The following PROS1 variants were observed in gnomAD, a reference collection of about 807,000 sequenced individuals.
PROS1 encodes vitamin K-dependent protein S.
PROS1 carries 29 observed loss-of-function variants against 75.9 expected under a neutral mutation model. The observed-to-expected ratio is 0.38, with a 90% CI of 0.28 to 0.52. The LOEUF (loss-of-function observed/expected upper bound fraction) is 0.52, where lower values mean the gene tolerates loss of function less well. PROS1 is among the 20% of genes least tolerant of loss of function. PROS1 has a pLI of 0.83. For synonymous variants in PROS1, 245 were observed against 280.6 expected, an observed-to-expected ratio of 0.87 and a Z score of 1.27; for missense variants, 680 against 810.3, an observed-to-expected ratio of 0.84 and a Z score of 1.95.
intron 3 of PROS1, among the ~76,000 whole-genome samples, chr3:93,917,688 G>A (rs933945182): frequency 4.6e-5 from 7 of 152,286 alleles, no homozygotes; most frequent in Middle Eastern, 3.4e-3. Context: ...GGAGCAGCCG[G>A]CCGGCCCTGC....
chr3:93,898,328 A>T, intron 8 of PROS1, 120 bp downstream of exon 8: 2 of 1,187,320 alleles, frequency 1.7e-6, no homozygotes, highest in Non-Finnish European at 2.5e-6. Context: ...TAACCTGCTT[A>T]AAGCTACAGC....
chr3:93,966,243 T>C (rs2107267760), intron 1 of PROS1, among the ~76,000 whole-genome samples: 2 of 152,300 alleles, frequency 1.3e-5, no homozygotes, highest in East Asian at 3.9e-4. Flanking sequence ...CAATGAGAAA[T>C]TGCCTGAGAT....
At position 93,906,046 on chromosome 3, in the gene PROS1, A is replaced by G. The variant is rs1282740437; in HGVS notation, c.444T>C (p.Gly148=). Residue 148 remains glycine (G), a synonymous_variant, in exon 5 of 15, where the codon GGT becomes GGC. Coordinates refer to ENST00000394236, the MANE Select transcript of PROS1 (RefSeq NM_000313.4). ...CAAATTCACACTTTTCTCCTTGCCA[A>G]CCTGGTTTACAAGTGCAAGTAAAAG... The part of the protein sequence containing the change: ...KASFTCTCKP[G]WQGEKCEFDI... 9 of 1,614,020 alleles carry G rather than the reference A, an allele frequency of 5.6e-6. No homozygotes were observed. In the African/African-American group the frequency reaches 6.7e-5, roughly 12 times the overall value.
chr3:93,940,368 G>A (rs1426445324), intron 1 of PROS1, among the ~76,000 whole-genome samples: 1 of 152,102 alleles, frequency 6.6e-6, no homozygotes, highest in African/African-American at 2.4e-5. Flanking sequence ...AGGTACATCT[G>A]TCACCTTCTT....
intron 3 of PROS1, among the ~76,000 whole-genome samples, chr3:93,915,548 C>G (rs1708832734): frequency 1.3e-5 from 2 of 152,210 alleles, no homozygotes; most frequent in Admixed American, 1.3e-4. Flanking sequence ...TATCCTAGTA[C>G]TTATCTCTTA....
chr3:93,898,680 CT>C, intron 7 of PROS1, 111 bp from the exon 8 acceptor site: 2 of 1,291,878 alleles, frequency 1.5e-6, no homozygotes, highest in Non-Finnish European at 2.2e-6. Flanking sequence ...ATAATCGAAC[CT>C]TAGGGAAAGA....
At chr3:93,928,781 T>C in intron 1 of PROS1, 2 of 1,275,976 alleles carry the variant, frequency 1.6e-6, no homozygotes, top group Non-Finnish European at 2.1e-6. Context: ...TAAAATCATT[T>C]CTAAAATATA....
At position 93,889,730 on chromosome 3, in the gene PROS1, A is replaced by G. The variant is rs547311181; in HGVS notation, c.1155+3203T>C. 7.2e-5 allele frequency among the ~76,000 whole-genome samples: 11 copies of G among 152,322 alleles called. No homozygotes were observed. The South Asian group carries it at 2.1e-3, about 29-fold the overall frequency. ...TTTCAAATAATACTCATAATTTCTT[A>G]CACCTGTCTTACTTTAATCTCTTAA... On this transcript the variant is annotated intron_variant, in intron 10 of 14. Coordinates refer to ENST00000394236, the MANE Select transcript of PROS1 (RefSeq NM_000313.4).
At chr3:93,908,235 A>G (rs1708705568) in intron 4 of PROS1, among the ~76,000 whole-genome samples, 1 of 152,226 alleles carries the variant, frequency 6.6e-6, no homozygotes, top group Non-Finnish European at 1.5e-5. Flanking sequence ...CTTCAGTCTA[A>G]CTATGTAAAA....
intron 9 of PROS1, 62 bp from the exon 10 acceptor site, chr3:93,893,184 T>C: frequency 7.1e-7 from 1 of 1,404,568 alleles, no homozygotes; most frequent in African/African-American, 1.4e-5. Flanking sequence ...AATGCATTAT[T>C]CTTTTTTTCT....
At chr3:93,913,126 T>A (rs1051305620) in intron 3 of PROS1, among the ~76,000 whole-genome samples, 2 of 152,184 alleles carry the variant, frequency 1.3e-5, no homozygotes, top group Admixed American at 1.3e-4. Context: ...GCTGTTCTCA[T>A]GATAGTGAGT....
At chr3:93,954,745 G>C (rs1672574020) in intron 1 of PROS1, among the ~76,000 whole-genome samples, 1 of 152,156 alleles carries the variant, frequency 6.6e-6, no homozygotes, top group African/African-American at 2.4e-5. Context: ...TTAAACTAAA[G>C]GGCTTCTGCA....
chr3:93,926,483 T>A (rs1402788481), intron 2 of PROS1, among the ~76,000 whole-genome samples: 1 of 151,992 alleles, frequency 6.6e-6, no homozygotes, highest in Non-Finnish European at 1.5e-5. Context: ...AATACAAAAA[T>A]TAGCCAGGCA....
At chr3:93,967,960 T>C (rs891074172) in intron 1 of PROS1, 1 of 152,134 alleles carries the variant, frequency 6.6e-6, no homozygotes, top group Non-Finnish European at 1.5e-5. Flanking sequence ...TCAGAACTTG[T>C]TAATATTAGT....
At chr3:93,951,510 A>G (rs1709495295) in intron 1 of PROS1, among the ~76,000 whole-genome samples, 1 of 152,194 alleles carries the variant, frequency 6.6e-6, no homozygotes, top group Non-Finnish European at 1.5e-5. Context: ...TCATAAGTGA[A>G]GGAGAAATAA....
At chr3:93,966,594 A>T (rs540747959) in intron 1 of PROS1, among the ~76,000 whole-genome samples, 1 of 152,176 alleles carries the variant, frequency 6.6e-6, no homozygotes, top group South Asian at 2.1e-4. Context: ...GGCACATTCT[A>T]TCTAAAGAAG....
chr3:93,921,359 T>A (rs1240368294), intron 3 of PROS1, among the ~76,000 whole-genome samples: 2 of 152,250 alleles, frequency 1.3e-5, no homozygotes, highest in Non-Finnish European at 2.9e-5. Context: ...TAAAATGAGT[T>A]TACTAAATGT....
At chr3:93,875,932 T>A (rs1708180929) in intron 14 of PROS1, among the ~76,000 whole-genome samples, 1 of 152,186 alleles carries the variant, frequency 6.6e-6, no homozygotes, top group Admixed American at 6.5e-5. Context: ...TTGGTGCCAA[T>A]TTCATATTTT....
intron 3 of PROS1, among the ~76,000 whole-genome samples, chr3:93,920,171 G>A (rs1708925791): frequency 6.6e-6 from 1 of 152,060 alleles, no homozygotes; most frequent in South Asian, 2.1e-4. Flanking sequence ...GCCCTGGCAG[G>A]AGGACTGCTT....
Sources: allele counts gnomAD v4.1 joint callset (sites outside exome capture counted in the v4.1 genomes callset), GRCh38; gene constraint gnomAD v4.1.1; transcripts MANE v1.5; gene names NCBI Gene and HGNC (gene_info 2026-07-23, HGNC 2026-07-21).